DPH6: variants seen among roughly 807,000 people sequenced by gnomAD.
DPH6 encodes the protein diphthamine biosynthesis 6.
In DPH6, 33 loss-of-function variants were observed where a neutral mutation model predicts 38.2. The observed-to-expected ratio is 0.86, with a 90% CI of 0.65 to 1.15. The LOEUF (loss-of-function observed/expected upper bound fraction) is 1.15, where lower values mean the gene tolerates loss of function less well. Among genes scored for constraint, DPH6 ranks in the 50% most tolerant of loss-of-function variants. The pLI is 0.00. For synonymous variants in DPH6, 108 were observed against 103.0 expected, an observed-to-expected ratio of 1.05 and a Z score of -0.30; for missense variants, 325 against 320.0, an observed-to-expected ratio of 1.02 and a Z score of -0.12.
chr15:35,341,873 C>T (rs996481002), intron 3 of DPH6, among the ~76,000 whole-genome samples: 1 of 152,196 alleles, frequency 6.6e-6, no homozygotes, highest in African/African-American at 2.4e-5. Flanking sequence ...AAAGAAGCAG[C>T]CTGGCTGCTT....
At position 35,296,224 on chromosome 15, in the gene DPH6, C is replaced by A. The variant is rs1227756391; in HGVS notation, n.201-75642G>T. Among the ~76,000 whole-genome samples, 5 of 152,134 alleles carry A rather than the reference C, an allele frequency of 3.3e-5. No individual in the cohort carries two copies. The East Asian group carries it at 9.6e-4, about 29-fold the overall frequency. On this transcript the variant is annotated intron_variant and non_coding_transcript_variant, in intron 3 of 3. Coordinates refer to the DPH6 transcript ENST00000560386. The stretch of plus-strand genomic sequence containing the variant: ...AAAGTGCCAGGATTACAGGTGTGAG[C>A]CACCACGCCTGGCCTTACTATGTCC...
chr15:35,294,416 T>C (rs1397522077), intron 3 of DPH6, among the ~76,000 whole-genome samples: 1 of 152,214 alleles, frequency 6.6e-6, no homozygotes, highest in Non-Finnish European at 1.5e-5. Flanking sequence ...GACAGTAGGT[T>C]TGTAGTATTG....
intron 3 of DPH6, among the ~76,000 whole-genome samples, chr15:35,465,577 T>C (rs1445461383): frequency 6.6e-6 from 1 of 152,226 alleles, no homozygotes; most frequent in Non-Finnish European, 1.5e-5. Flanking sequence ...AAAATGATTC[T>C]GAAAGTGACA....
At chr15:35,154,862 T>C in the DPH6 span, among the ~76,000 whole-genome samples, 41 of 152,260 alleles carry the variant, frequency 2.7e-4, 1 homozygote, top group African/African-American at 9.9e-4. Flanking sequence ...AGCCTGTAGA[T>C]GATTGTAATC....
At chr15:35,490,253 G>C (rs2054458701) in intron 3 of DPH6, 1 of 933,752 alleles carries the variant, frequency 1.1e-6, no homozygotes, top group Non-Finnish European at 1.3e-6. Context: ...AAGAAGACAG[G>C]CTGAATTGTC....
chr15:35,226,354 C>T (rs78042614), intron 3 of DPH6, among the ~76,000 whole-genome samples: 4,235 of 152,026 alleles, frequency 0.028, 86 homozygotes, highest in Middle Eastern at 0.041. Flanking sequence ...TCTTTACATA[C>T]GTAAGGTAAC....
intron 5 of DPH6, among the ~76,000 whole-genome samples, chr15:35,411,404 G>A (rs2053365077): frequency 6.6e-6 from 1 of 151,652 alleles, no homozygotes; most frequent in Non-Finnish European, 1.5e-5. Flanking sequence ...ACAAATAATT[G>A]CATTATTAAA....
intron 5 of DPH6, among the ~76,000 whole-genome samples, chr15:35,423,220 C>G (rs765956317): frequency 3.3e-5 from 5 of 151,432 alleles, no homozygotes; most frequent in Non-Finnish European, 7.4e-5. Flanking sequence ...TTATCTTTCA[C>G]TTTTCTGATA....
intron 3 of DPH6, among the ~76,000 whole-genome samples, chr15:35,288,280 C>T (rs1294720139): frequency 2.0e-5 from 3 of 152,064 alleles, no homozygotes; most frequent in South Asian, 4.1e-4. Context: ...CACGTATTTT[C>T]CAAGATTTTA....
intron 3 of DPH6, among the ~76,000 whole-genome samples, chr15:35,247,222 C>A (rs1467604497): frequency 6.6e-6 from 1 of 152,138 alleles, no homozygotes; most frequent in Non-Finnish European, 1.5e-5. Flanking sequence ...ATCATATGAT[C>A]ATTATGGCAC....
At chr15:35,488,911 A>C (rs1302320018) in intron 3 of DPH6, among the ~76,000 whole-genome samples, 2 of 152,168 alleles carry the variant, frequency 1.3e-5, no homozygotes, top group African/African-American at 2.4e-5. Flanking sequence ...AAGTTTGTGC[A>C]CAGCAAACCA....
At chr15:35,414,572 C>G (rs973390457) in intron 5 of DPH6, among the ~76,000 whole-genome samples, 26 of 151,892 alleles carry the variant, frequency 1.7e-4, no homozygotes, top group Middle Eastern at 3.4e-3. Flanking sequence ...ATTACATCTG[C>G]TTTTCTGCCT....
At chr15:35,499,706 C>G (rs910156592) in intron 3 of DPH6, among the ~76,000 whole-genome samples, 4 of 152,202 alleles carry the variant, frequency 2.6e-5, no homozygotes, top group African/African-American at 9.6e-5. Context: ...AAGGGAAATA[C>G]TAGTTCCAGC....
At chr15:35,299,164 G>C in intron 3 of DPH6, 1 of 1,320,164 alleles carries the variant, frequency 7.6e-7, no homozygotes, top group East Asian at 2.3e-5. Flanking sequence ...TCAGCTAAGG[G>C]AATCAGAACT....
rs768534119 is a variant in DPH6, at chr15:35,538,271, T to C, written c.312+3A>G. ...AATATACTTAATTGGTTACTCTGCA[T>C]ACCTTAACAAGTTTCAAAAGCTCAT... is the stretch of plus-strand genomic sequence containing the variant. On this transcript the variant is annotated splice_donor_region_variant and intron_variant, in intron 3 of 8. Transcript: ENST00000256538. 1.2e-5 allele frequency: 18 copies of C among 1,523,202 alleles called. No homozygotes were observed. Among genetic ancestry groups the C allele is most frequent in the Non-Finnish European group, 1.6e-5 (18 of 1,117,824 alleles). 94.4% of individuals were successfully genotyped at this position (1,523,202 alleles called of 1,614,324 possible).
At chr15:35,198,246 A>G in the DPH6 span, among the ~76,000 whole-genome samples, 1 of 152,132 alleles carries the variant, frequency 6.6e-6, no homozygotes, top group African/African-American at 2.4e-5. Context: ...TTTTAAGGCT[A>G]CAGATTGCAG....
intron 3 of DPH6, among the ~76,000 whole-genome samples, chr15:35,360,180 C>G (rs567290694): frequency 6.6e-6 from 1 of 152,140 alleles, no homozygotes; most frequent in African/African-American, 2.4e-5. Context: ...ACTTCTCCTG[C>G]TGGGTCCCCA....
chr15:35,438,367 C>CTCCA (rs2053744196), intron 5 of DPH6, among the ~76,000 whole-genome samples: 2 of 152,086 alleles, frequency 1.3e-5, no homozygotes, highest in African/African-American at 4.8e-5. Context: ...AAGCGATGGC[C>CTCCA]TGTGATTACT....
At chr15:35,298,469 T>C (rs2052030244) in intron 3 of DPH6, 1 of 768,954 alleles carries the variant, frequency 1.3e-6, no homozygotes, top group African/African-American at 1.7e-5. Context: ...TTCACGTTCT[T>C]CCTTGGTTTT....
Sources: allele counts gnomAD v4.1 joint callset (sites outside exome capture counted in the v4.1 genomes callset), GRCh38; gene constraint gnomAD v4.1.1; transcripts MANE v1.5; gene names NCBI Gene and HGNC (gene_info 2026-07-23, HGNC 2026-07-21).